PRDM6: variants seen among roughly 807,000 people sequenced by gnomAD.
PRDM6 encodes PR/SET domain 6.
PRDM6 carries 25 observed loss-of-function variants against 60.8 expected under a neutral mutation model. The ratio of observed to expected loss-of-function variants is 0.41; its 90% CI spans 0.30 to 0.57. The LOEUF (loss-of-function observed/expected upper bound fraction) is 0.57, where lower values mean the gene tolerates loss of function less well. Among genes scored for constraint, PRDM6 ranks in the 20% least tolerant of loss-of-function variants. PRDM6 has a pLI of 0.27. For missense variants in PRDM6, 839 were observed against 821.3 expected (o/e 1.02, Z -0.26); for synonymous variants, 407 against 357.4 (o/e 1.14, Z -1.57).
chr5:123,107,313 G>A (rs576970195), intron 3 of PRDM6, among the ~76,000 whole-genome samples: 44 of 152,346 alleles, frequency 2.9e-4, no homozygotes, highest in African/African-American at 1.1e-3. Context: ...TTATCCAACA[G>A]ATATATTGTG....
intron 5 of PRDM6, among the ~76,000 whole-genome samples, chr5:123,163,696 G>T (rs1047544518): frequency 6.6e-6 from 1 of 152,198 alleles, no homozygotes. Flanking sequence ...AAAGCTTCCA[G>T]TGGGGGATTA....
chr5:123,130,524 CT>C (rs1283683185), intron 3 of PRDM6, among the ~76,000 whole-genome samples: 1 of 150,362 alleles, frequency 6.7e-6, no homozygotes, highest in Non-Finnish European at 1.5e-5. Context: ...CACACAGAAT[CT>C]TTTTGTAGTG....
chr5:123,174,855 C>T (rs1765969102), intron 6 of PRDM6, among the ~76,000 whole-genome samples: 1 of 152,078 alleles, frequency 6.6e-6, no homozygotes, highest in Non-Finnish European at 1.5e-5. Flanking sequence ...GTCCAGGAAC[C>T]ATGGAATTAT....
chr5:123,145,882 T>C (rs1328643055), intron 3 of PRDM6, among the ~76,000 whole-genome samples: 1 of 152,108 alleles, frequency 6.6e-6, no homozygotes, highest in Non-Finnish European at 1.5e-5. Flanking sequence ...AGCAAAGAAA[T>C]AAAGCTGTTG....
chr5:123,126,051 C>T (rs1009038340), intron 3 of PRDM6, among the ~76,000 whole-genome samples: 4 of 152,130 alleles, frequency 2.6e-5, no homozygotes, highest in Admixed American at 6.6e-5. Context: ...GTAGTTCATT[C>T]ATGGATGAAC....
chr5:123,155,921 A>G lies in PRDM6; in HGVS notation c.938A>G (p.Asp313Gly). Residue 313 changes from aspartate (D) to glycine (G), a missense_variant, in exon 4 of 8, where the codon GAT becomes GGT. Around this residue, in one of 2 missense-constraint regions of PRDM6, gnomAD observed 730 missense variants for 648.8 expected, o/e 1.13. Transcript: ENST00000407847. ...DQDGTLQHFI[D>G]GGEPSKSSWM... ...GATGGGACACTACAGCACTTTATTG[A>G]TGGTGGGGAACCTAGTAAGTCGAGC... The G allele has an allele frequency of 1.3e-6, 2 of 1,551,608 alleles. No homozygotes were observed. Among genetic ancestry groups the G allele is most frequent in the Non-Finnish European group, 1.7e-6 (2 of 1,146,896 alleles).
At chr5:123,102,226 T>C (rs1764118895) in intron 3 of PRDM6, among the ~76,000 whole-genome samples, 1 of 152,240 alleles carries the variant, frequency 6.6e-6, no homozygotes, top group African/African-American at 2.4e-5. Context: ...GGTAACTTAG[T>C]GCCAATATCC....
chr5:123,128,403 T>C (rs940104181), intron 3 of PRDM6, among the ~76,000 whole-genome samples: 1 of 152,244 alleles, frequency 6.6e-6, no homozygotes, highest in Admixed American at 6.5e-5. Context: ...AAAGCGTTCC[T>C]ATTTCTCCAC....
intron 3 of PRDM6, among the ~76,000 whole-genome samples, chr5:123,145,333 T>A (rs73800148): frequency 0.18 from 27,804 of 152,144 alleles, 3,141 homozygotes; most frequent in East Asian, 0.59. Flanking sequence ...TGTAAATTAC[T>A]TGAGGGCAGG....
At chr5:123,142,286 A>T (rs1170315496) in intron 3 of PRDM6, among the ~76,000 whole-genome samples, 1 of 117,408 alleles carries the variant, frequency 8.5e-6, no homozygotes, top group Non-Finnish European at 1.8e-5. Flanking sequence ...AATCCCAAAG[A>T]TCATCTTATT....
At chr5:123,180,697 ACGATC>A (rs1306737754) in intron 7 of PRDM6, among the ~76,000 whole-genome samples, 1 of 152,140 alleles carries the variant, frequency 6.6e-6, no homozygotes, top group African/African-American at 2.4e-5. Flanking sequence ...AGCAAGCCTT[ACGATC>A]ATCAGAAAGG....
chr5:123,140,287 A>T lies in PRDM6; in HGVS notation c.901-15597A>T, dbSNP rs1045929352. 2.7e-5 allele frequency among the ~76,000 whole-genome samples: 4 copies of T among 150,866 alleles called. 1 individual carries two copies. The Admixed American group carries it at 2.7e-4, about 10-fold the overall frequency. ...TTTCTTTCTTTCAGAAAAAAAAAAAAGGTCAGAAAAAGTTCAAAATGACAT... is the reference window on the plus strand; with the variant it reads ...TTTCTTTCTTTCAGAAAAAAAAAAATGGTCAGAAAAAGTTCAAAATGACAT... On this transcript the variant is annotated intron_variant, in intron 3 of 7. Coordinates refer to ENST00000407847, the MANE Select transcript of PRDM6 (RefSeq NM_001136239.4).
intron 2 of PRDM6, among the ~76,000 whole-genome samples, chr5:123,096,509 G>A (rs377121853): frequency 4.8e-4 from 73 of 152,284 alleles, no homozygotes; most frequent in Middle Eastern, 3.4e-3. Context: ...GGGATTTTGT[G>A]TATTAAAAAA....
chr5:123,124,082 C>A (rs1330706362), intron 3 of PRDM6, among the ~76,000 whole-genome samples: 1 of 152,176 alleles, frequency 6.6e-6, no homozygotes, highest in Non-Finnish European at 1.5e-5. Context: ...ACCTTAGAGA[C>A]TGACTTGCCA....
intron 5 of PRDM6, among the ~76,000 whole-genome samples, chr5:123,168,818 CAT>C (rs1765820299): frequency 1.3e-5 from 2 of 152,242 alleles, no homozygotes; most frequent in Non-Finnish European, 2.9e-5. Flanking sequence ...TTGCTTAACA[CAT>C]GTGATGCTGC....
chr5:123,172,948 T>C (rs1561878457), intron 6 of PRDM6, among the ~76,000 whole-genome samples: 1 of 152,136 alleles, frequency 6.6e-6, no homozygotes, highest in Non-Finnish European at 1.5e-5. Flanking sequence ...ACCCAGCACT[T>C]TGGGAGGCCG....
chr5:123,134,642 A>C (rs908781164), intron 3 of PRDM6, among the ~76,000 whole-genome samples: 1 of 152,172 alleles, frequency 6.6e-6, no homozygotes, highest in Non-Finnish European at 1.5e-5. Flanking sequence ...TCTGTCATAA[A>C]ATGGTTTAAT....
chr5:123,165,099 T>G (rs1765724209), intron 5 of PRDM6, among the ~76,000 whole-genome samples: 1 of 152,162 alleles, frequency 6.6e-6, no homozygotes, highest in Non-Finnish European at 1.5e-5. Flanking sequence ...TCAGAATCTG[T>G]TTCCTGGGCG....
At chr5:123,154,188 C>T (rs914717843) in intron 3 of PRDM6, among the ~76,000 whole-genome samples, 2 of 152,160 alleles carry the variant, frequency 1.3e-5, no homozygotes, top group African/African-American at 4.8e-5. Context: ...AAAACAGAAA[C>T]AACTACAGTG....
Sources: allele counts gnomAD v4.1 joint callset (sites outside exome capture counted in the v4.1 genomes callset), GRCh38; gene constraint gnomAD v4.1.1; regional missense constraint gnomAD v4.1.1; transcripts MANE v1.5; gene names NCBI Gene and HGNC (gene_info 2026-07-23, HGNC 2026-07-21).